The following VCAN variants were observed in gnomAD, a reference collection of about 807,000 sequenced individuals.
VCAN encodes versican core protein.
Under a neutral mutation model 245.5 loss-of-function variants are expected in VCAN, and 44 were observed. The observed-to-expected ratio is 0.18, with a 90% CI of 0.14 to 0.23. The LOEUF is 0.23. Among genes scored for constraint, VCAN ranks in the 10% least tolerant of loss-of-function variants. VCAN has a pLI of 1.00. For synonymous variants in VCAN, 1,413 were observed against 1,437.0 expected (o/e 0.98, Z 0.38); for missense variants, 3,793 against 4,057.9 (o/e 0.93, Z 1.77).
chr5:83,531,853 TA>T (rs927117014), intron 7 of VCAN, among the ~76,000 whole-genome samples: 3 of 151,182 alleles, frequency 2.0e-5, no homozygotes, highest in African/African-American at 7.4e-5. Context: ...GAAATGTCAT[TA>T]AAAAAAGCCT....
Position 83,520,881 on chromosome 5 carries a change from G to C in VCAN, c.2575G>C (p.Asp859His). The change falls in exon 7 of 15, where the codon GAT becomes CAT. Residue 859 changes from aspartate to histidine, a missense_variant. This residue lies in a region of VCAN where 3,182 missense variants were observed against 3,250.3 expected (regional missense o/e 0.98). Coordinates refer to ENST00000265077, the MANE Select transcript of VCAN (RefSeq NM_004385.5). The stretch of plus-strand genomic sequence containing the variant: ...AGCAGATGAATTTACTCTTATTCCA[G>C]ATAGTACTCAAAAGCAGTTAGAGGA... ...DGADEFTLIP[D>H]STQKQLEEVT... 6.2e-7 allele frequency: 1 copy of C among 1,614,132 alleles called. No homozygotes were observed. Among genetic ancestry groups the C allele is most frequent in the Non-Finnish European group, 8.5e-7 (1 of 1,179,986 alleles).
In VCAN at chr5:83,476,400, A is replaced by C. The variant is rs60388226; in HGVS notation, c.-7+4377A>C. Among the ~76,000 whole-genome samples the C allele has an allele frequency of 4.4e-3, 663 of 152,360 alleles. 4 individuals are homozygous for C. Among genetic ancestry groups the C allele is most frequent in the African/African-American group, 0.016 (645 of 41,578 alleles). On this transcript the variant is annotated intron_variant, in intron 1 of 14. Transcript: ENST00000265077. ...TTTGAAAGAAAGAATTAATGACTGT[A>C]GTAAGGTATTTTTTCACCACCCACG...
In VCAN at chr5:83,544,141, C is replaced by T. The variant is rs17205937; in HGVS notation, c.9266-1396C>T. 7.3e-3 allele frequency among the ~76,000 whole-genome samples: 1,118 copies of T among 152,334 alleles called. 6 individuals carry two copies. Among genetic ancestry groups the T allele is most frequent in the Non-Finnish European group, 0.013 (879 of 68,030 alleles). On this transcript the variant is annotated intron_variant, in intron 8 of 14. Coordinates refer to ENST00000265077, the MANE Select transcript of VCAN (RefSeq NM_004385.5). ...CACAGAGGGCAGCATGTGGCTATGGCGTGTGTTAACTGCAGCCTTGTCATC... is the reference window on the plus strand; with the variant it reads ...CACAGAGGGCAGCATGTGGCTATGGTGTGTGTTAACTGCAGCCTTGTCATC...
At chr5:83,516,144 C>T (rs1745848640) in intron 6 of VCAN, among the ~76,000 whole-genome samples, 1 of 152,076 alleles carries the variant, frequency 6.6e-6, no homozygotes, top group African/African-American at 2.4e-5. Context: ...CTAACCCTAA[C>T]CCTAACCCTA....
intron 12 of VCAN, among the ~76,000 whole-genome samples, chr5:83,568,957 A>C (rs1035777294): frequency 3.9e-5 from 6 of 152,142 alleles, no homozygotes; most frequent in African/African-American, 1.4e-4. Flanking sequence ...TGAGAGTATG[A>C]GTAAAATTTG....
chr5:83,498,358 A>G (rs781574787), intron 5 of VCAN, among the ~76,000 whole-genome samples: 1 of 152,202 alleles, frequency 6.6e-6, no homozygotes, highest in Non-Finnish European at 1.5e-5. Flanking sequence ...TCATTTTTGT[A>G]TGCCCAATAT....
At position 83,537,057 on chromosome 5, in the gene VCAN, A is replaced by G. The variant is rs779035416; in HGVS notation, c.4054A>G (p.Lys1352Glu). 5.0e-6 allele frequency: 8 copies of G among 1,611,904 alleles called. No homozygotes were observed. In the South Asian group the frequency reaches 8.8e-5, roughly 18 times the overall value. Residue 1352 changes from lysine (K) to glutamate (E), a missense_variant, in exon 8 of 15, where the codon AAA (lysine) becomes GAA (glutamate). Lys to Glu is a moderately conservative substitution (Grantham distance 56). Coordinates refer to ENST00000265077, the MANE Select transcript of VCAN (RefSeq NM_004385.5). ...TGGTCATCCAATAGATTCAGAATCT[A>G]AAGAAGATGAACCTTGTAGTGAAGA... ...VIGHPIDSES[K>E]EDEPCSEETD...
At position 83,580,537 on chromosome 5, in the gene VCAN, T is replaced by C. The variant is rs1240127166; in HGVS notation, c.*103T>C. The C allele has an allele frequency of 2.6e-6, 4 of 1,548,640 alleles. No homozygotes were observed. Among genetic ancestry groups the C allele is most frequent in the Non-Finnish European group, 3.5e-6 (4 of 1,139,654 alleles). On this transcript the variant is annotated 3_prime_UTR_variant, in exon 15 of 15. Transcript: ENST00000265077. The stretch of plus-strand genomic sequence containing the variant: ...AAGTAATTATCAGTTGGTTTGGATT[T>C]TTGGACCACCGTTCAGTCATTTTGG...
intron 2 of VCAN, among the ~76,000 whole-genome samples, chr5:83,485,725 G>C (rs1744770594): frequency 6.6e-6 from 1 of 152,028 alleles, no homozygotes; most frequent in East Asian, 1.9e-4. Context: ...GAGGACATGA[G>C]AGGAGTCAAG....
At chr5:83,484,543 C>CCATT (rs1261229487) in intron 2 of VCAN, among the ~76,000 whole-genome samples, 1 of 151,030 alleles carries the variant, frequency 6.6e-6, no homozygotes, top group Non-Finnish European at 1.5e-5. Flanking sequence ...ATCCATCCAT[C>CCATT]CATCCATCCA....
At chr5:83,547,591 G>T (rs988869297) in intron 9 of VCAN, among the ~76,000 whole-genome samples, 2 of 152,150 alleles carry the variant, frequency 1.3e-5, no homozygotes, top group African/African-American at 2.4e-5. Flanking sequence ...ATCAGAGAAT[G>T]AGCCATGATT....
At chr5:83,551,238 C>T (rs1425129061) in intron 10 of VCAN, among the ~76,000 whole-genome samples, 8 of 151,902 alleles carry the variant, frequency 5.3e-5, no homozygotes, top group Middle Eastern at 3.4e-3. Context: ...GGGCTGGGTG[C>T]GATAGCTCAC....
In VCAN at chr5:83,541,832, A is replaced by G. The variant is rs1448926646; in HGVS notation, c.8829A>G (p.Glu2943=). 3.1e-6 allele frequency: 5 copies of G among 1,614,138 alleles called. No individual in the cohort carries two copies. The highest frequency in any genetic ancestry group is 4.2e-6 in the Non-Finnish European group (5 of 1,180,004). The change falls in exon 8 of 15, where the codon GAA becomes GAG. Residue 2943 remains glutamate, a synonymous_variant. Transcript: ENST00000265077. ...QNKTDGQVSG[E]AIKMFPTIKT... is the part of the protein sequence containing the mutation. Reference sequence around the variant, plus strand: ...AAACCGATGGTCAAGTTTCTGGAGAAGCAATCAAGATGTTTCCCACCATTA... The same window carrying G: ...AAACCGATGGTCAAGTTTCTGGAGAGGCAATCAAGATGTTTCCCACCATTA...
chr5:83,561,500 C>T (rs545238130), intron 12 of VCAN, among the ~76,000 whole-genome samples: 1 of 152,198 alleles, frequency 6.6e-6, no homozygotes, highest in East Asian at 1.9e-4. Context: ...TTTTGGTAAG[C>T]ATAGTTCAGC....
In VCAN at chr5:83,540,877, C is replaced by G. The variant is rs1746949233; in HGVS notation, c.7874C>G (p.Ala2625Gly). ...DSTQVQEIYE[A>G]AVNLSLTEET... ...ACTCAAGTTCAAGAGATCTATGAGG[C>G]AGCTGTCAACCTTTCTTTAACTGAG... The change falls in exon 8 of 15, where the codon GCA becomes GGA. Residue 2625 changes from alanine to glycine, a missense_variant. Ala to Gly is a moderately conservative substitution (Grantham distance 60). This residue lies in a region of VCAN where 3,182 missense variants were observed against 3,250.3 expected (regional missense o/e 0.98). Transcript: ENST00000265077. The G allele has an allele frequency of 1.2e-6, 2 of 1,613,960 alleles. No individual in the cohort carries two copies. Among genetic ancestry groups the G allele is most frequent in the Non-Finnish European group, 1.7e-6 (2 of 1,179,980 alleles).
intron 7 of VCAN, among the ~76,000 whole-genome samples, chr5:83,525,960 G>A (rs1188004142): frequency 1.3e-5 from 2 of 149,656 alleles, no homozygotes; most frequent in African/African-American, 2.5e-5. Context: ...TTTTTTTTGC[G>A]ACGGAGTCTT....
intron 13 of VCAN, among the ~76,000 whole-genome samples, chr5:83,574,250 T>C (rs1748396901): frequency 1.3e-5 from 2 of 152,164 alleles, no homozygotes. Context: ...ACATTAATCT[T>C]CTCTAGAAAC....
chr5:83,523,229 A>G (rs1394689316), intron 7 of VCAN, among the ~76,000 whole-genome samples: 1 of 152,150 alleles, frequency 6.6e-6, no homozygotes, highest in Admixed American at 6.6e-5. Context: ...TGATAAGCTG[A>G]GTTGAGAATA....
intron 1 of VCAN, among the ~76,000 whole-genome samples, chr5:83,479,738 G>C (rs1301895260): frequency 6.6e-6 from 1 of 152,096 alleles, no homozygotes; most frequent in Non-Finnish European, 1.5e-5. Flanking sequence ...TAATGACCAA[G>C]GATAGGGACA....
Sources: allele counts gnomAD v4.1 joint callset (sites outside exome capture counted in the v4.1 genomes callset), GRCh38; gene constraint gnomAD v4.1.1; regional missense constraint gnomAD v4.1.1; transcripts MANE v1.5; gene names NCBI Gene and HGNC (gene_info 2026-07-23, HGNC 2026-07-21).